The following PHKB variants were observed in gnomAD, a reference collection of about 807,000 sequenced individuals.
PHKB encodes phosphorylase kinase regulatory subunit beta, also known as phosphorylase b kinase regulatory subunit beta.
In PHKB, 122 loss-of-function variants were observed where a neutral mutation model predicts 152.1. The ratio of observed to expected loss-of-function variants is 0.80; its 90% CI spans 0.69 to 0.93. PHKB has a LOEUF of 0.93. Ranked by LOEUF, PHKB falls within the 40% of genes least tolerant of loss-of-function variation. The probability of loss-of-function intolerance (pLI) is 0.00; values close to 1 mark genes in which losing one functional copy is unlikely to be tolerated. For synonymous variants in PHKB, 436 were observed against 464.9 expected, an observed-to-expected ratio of 0.94 and a Z score of 0.80; for missense variants, 1,304 against 1,328.4, an observed-to-expected ratio of 0.98 and a Z score of 0.29.
chr16:47,625,937 G>T (rs1175440038), intron 14 of PHKB, among the ~76,000 whole-genome samples: 1 of 152,132 alleles, frequency 6.6e-6, no homozygotes, highest in Non-Finnish European at 1.5e-5. Flanking sequence ...CCCATTAAGA[G>T]CATCGTATTT....
Position 47,571,202 on chromosome 16 carries a change from G to A in PHKB, c.711-9093G>A, listed in dbSNP as rs187012440. On this transcript the variant is annotated intron_variant, in intron 7 of 30. Coordinates refer to ENST00000323584, the MANE Select transcript of PHKB (RefSeq NM_000293.3). The stretch of plus-strand genomic sequence containing the variant: ...GAAGCTTATCTTGTTCCCCAGTAGT[G>A]TGTACTACTCTCCTCCCCAAGTCTT... 8.5e-5 allele frequency among the ~76,000 whole-genome samples: 13 copies of A among 152,216 alleles called. No individual in the cohort carries two copies. In the East Asian group the frequency reaches 2.1e-3, roughly 25 times the overall value.
intron 1 of PHKB, among the ~76,000 whole-genome samples, chr16:47,491,619 T>C (rs892768785): frequency 5.3e-5 from 8 of 152,218 alleles, no homozygotes; most frequent in African/African-American, 1.9e-4. Flanking sequence ...ATAGCTACAC[T>C]GACAGGCAGA....
intron 6 of PHKB, among the ~76,000 whole-genome samples, chr16:47,518,707 G>T (rs1339910666): frequency 2.6e-5 from 4 of 152,104 alleles, no homozygotes; most frequent in Non-Finnish European, 5.9e-5. Flanking sequence ...AAGTTCTGTA[G>T]TTCTGCCCTT....
intron 1 of PHKB, chr16:47,463,711 C>A: frequency 1.8e-6 from 1 of 560,378 alleles, no homozygotes; most frequent in South Asian, 2.0e-5. Flanking sequence ...TCCATATGAG[C>A]AAGTGTAATT....
chr16:47,493,685 C>T (rs1043010791), intron 1 of PHKB, among the ~76,000 whole-genome samples: 1 of 152,182 alleles, frequency 6.6e-6, no homozygotes, highest in Non-Finnish European at 1.5e-5. Flanking sequence ...TAGTGGGACT[C>T]ATGAGAGCCT....
At chr16:47,629,161 A>C (rs1444236609) in intron 14 of PHKB, among the ~76,000 whole-genome samples, 3 of 152,168 alleles carry the variant, frequency 2.0e-5, no homozygotes, top group Admixed American at 1.3e-4. Context: ...ACAAAAGCCA[A>C]AATTGACAAA....
intron 6 of PHKB, among the ~76,000 whole-genome samples, chr16:47,541,651 T>C (rs574707426): frequency 2.0e-5 from 3 of 152,314 alleles, no homozygotes; most frequent in South Asian, 4.1e-4. Flanking sequence ...CATCTTCTCC[T>C]GCATCTATTG....
intron 1 of PHKB, 126 bp from the exon 2 acceptor site, chr16:47,497,273 A>G: frequency 1.5e-6 from 1 of 676,218 alleles, no homozygotes; most frequent in South Asian, 1.6e-5. Flanking sequence ...CAAGTAGTAA[A>G]GTATGGTACT....
At chr16:47,536,625 T>C (rs1298192681) in intron 6 of PHKB, among the ~76,000 whole-genome samples, 1 of 152,240 alleles carries the variant, frequency 6.6e-6, no homozygotes, top group African/African-American at 2.4e-5. Context: ...ATCTGCACAT[T>C]AATATTTTTG....
At chr16:47,534,668 T>C (rs1970920478) in intron 6 of PHKB, among the ~76,000 whole-genome samples, 1 of 152,176 alleles carries the variant, frequency 6.6e-6, no homozygotes, top group South Asian at 2.1e-4. Flanking sequence ...AGATATTTAT[T>C]AACTACCAAG....
At position 47,689,052 on chromosome 16, in the gene PHKB, A is replaced by G; in HGVS notation, c.2642A>G (p.His881Arg). The change falls in exon 27 of 31, where the codon CAT (histidine) becomes CGT (arginine). Residue 881 changes from histidine (H) to arginine (R), a missense_variant. Coordinates refer to ENST00000323584, the MANE Select transcript of PHKB (RefSeq NM_000293.3). ...CTGTTTTGTTTCAGGTGGATCATCC[A>G]TGCCATGGAGTATGAACTTCAGATC... is the stretch of plus-strand genomic sequence containing the variant. ...MLKIRIGWIIHAMEYELQIRG... is the reference protein window; with the variant it reads ...MLKIRIGWIIRAMEYELQIRG... The G allele has an allele frequency of 6.2e-7, 1 of 1,614,056 alleles. No homozygotes were observed. The highest frequency in any genetic ancestry group is 1.1e-5 in the South Asian group (1 of 91,082).
intron 1 of PHKB, among the ~76,000 whole-genome samples, chr16:47,483,795 T>C (rs1312802940): frequency 6.6e-6 from 1 of 152,224 alleles, no homozygotes; most frequent in Non-Finnish European, 1.5e-5. Context: ...ACCTTATTCA[T>C]TGTGGCTGAG....
Position 47,655,467 on chromosome 16 carries a change from T to C in PHKB, c.1971+4546T>C, listed in dbSNP as rs142881149. 3.9e-5 allele frequency among the ~76,000 whole-genome samples: 6 copies of C among 152,348 alleles called. No individual in the cohort carries two copies. The East Asian group carries it at 1.2e-3, about 29-fold the overall frequency. ...TTGAAAATAATTTTACTTTAAAGTT[T>C]AATATTCTGCCATGTTGTGGAGAGT... is the stretch of plus-strand genomic sequence containing the variant. On this transcript the variant is annotated intron_variant, in intron 20 of 30. Coordinates refer to ENST00000323584, the MANE Select transcript of PHKB (RefSeq NM_000293.3).
rs781197907 is a variant in PHKB, at chr16:47,587,713, C to T, written c.820C>T (p.Arg274Cys). The T allele has an allele frequency of 6.2e-6, 10 of 1,613,354 alleles. No individual in the cohort carries two copies. The highest frequency in any genetic ancestry group is 2.2e-5 in the East Asian group (1 of 44,882). Residue 274 changes from arginine (R) to cysteine (C), a missense_variant, in exon 9 of 31, where the codon CGC becomes TGC. Arg to Cys is a radical substitution (Grantham distance 180). Coordinates refer to ENST00000323584, the MANE Select transcript of PHKB (RefSeq NM_000293.3). Reference sequence around the variant, plus strand: ...ATTTGTGGATCTCGATGCTCACAATCGCAACAGGCAAACTTTGTGCTCGCT... The same window carrying T: ...ATTTGTGGATCTCGATGCTCACAATTGCAACAGGCAAACTTTGTGCTCGCT... ...VIFVDLDAHN[R>C]NRQTLCSLLP...
chr16:47,628,846 C>A (rs953437848), intron 14 of PHKB, among the ~76,000 whole-genome samples: 3 of 152,022 alleles, frequency 2.0e-5, no homozygotes, highest in Non-Finnish European at 4.4e-5. Flanking sequence ...TGGAACAGAA[C>A]AGAGCCCTCA....
chr16:47,468,903 G>T (rs1338536202), intron 1 of PHKB, among the ~76,000 whole-genome samples: 1 of 152,018 alleles, frequency 6.6e-6, no homozygotes, highest in African/African-American at 2.4e-5. Context: ...CTGCTGTTTG[G>T]GTAGCTTGTT....
chr16:47,693,931 G>GGTAC (rs1974105443), intron 28 of PHKB, among the ~76,000 whole-genome samples: 3 of 152,076 alleles, frequency 2.0e-5, no homozygotes, highest in South Asian at 2.1e-4. Context: ...TTTAAGTGTG[G>GGTAC]GTACCCCTTC....
rs139204492 is a variant in PHKB, at chr16:47,470,423, C to T, written c.76+8997C>T. Among the ~76,000 whole-genome samples the T allele has an allele frequency of 5.8e-4, 88 of 152,320 alleles. No individual in the cohort carries two copies. The East Asian group carries it at 0.013, about 23-fold the overall frequency. ...CCTTTAAGCGGTTTTAGGCCCTGGG[C>T]GGGCCAGGTGTTCCTTGCCCTCATT... On this transcript the variant is annotated intron_variant, in intron 1 of 30. Coordinates refer to ENST00000323584, the MANE Select transcript of PHKB (RefSeq NM_000293.3).
At position 47,689,073 on chromosome 16, in the gene PHKB, A is replaced by C. The variant is rs1010165219; in HGVS notation, c.2663A>C (p.Gln888Pro). Residue 888 changes from glutamine to proline, a missense_variant, in exon 27 of 31, where the codon CAG (glutamine) becomes CCG (proline). Gln to Pro is a moderately conservative substitution (Grantham distance 76). Coordinates refer to ENST00000323584, the MANE Select transcript of PHKB (RefSeq NM_000293.3). ...WIIHAMEYELQIRGGDKPALD... is the reference protein window; with the variant it reads ...WIIHAMEYELPIRGGDKPALD... Reference sequence around the variant, plus strand: ...ATCCATGCCATGGAGTATGAACTTCAGATCCGTGGCGGAGACAAGCCAGCC... The same window carrying C: ...ATCCATGCCATGGAGTATGAACTTCCGATCCGTGGCGGAGACAAGCCAGCC... The C allele has an allele frequency of 1.2e-6, 2 of 1,614,086 alleles. No homozygotes were observed. Among genetic ancestry groups the C allele is most frequent in the Non-Finnish European group, 1.7e-6 (2 of 1,179,942 alleles).
Sources: gnomAD v4.1 joint callset for allele counts (sites outside exome capture counted in the v4.1 genomes callset) on GRCh38, gnomAD v4.1.1 for gene constraint, MANE v1.5 for transcripts, NCBI Gene and HGNC (gene_info 2026-07-23, HGNC 2026-07-21) for gene names.